Variants in NCOA6 observed in about 807,000 individuals in gnomAD.
NCOA6 encodes the protein nuclear receptor coactivator 6, also known as NRC RAP250.
In NCOA6, 49 loss-of-function variants were observed where a neutral mutation model predicts 171.4. The observed-to-expected ratio is 0.29, with a 90% confidence interval of 0.23 to 0.36. NCOA6 has a LOEUF of 0.36. Among genes scored for constraint, NCOA6 ranks in the 10% least tolerant of loss-of-function variants. NCOA6 has a pLI of 1.00. For missense variants in NCOA6, 2,248 were observed against 2,554.5 expected, an observed-to-expected ratio of 0.88 and a Z score of 2.59; for synonymous variants, 910 against 927.5, an observed-to-expected ratio of 0.98 and a Z score of 0.34.
chr20:34,784,135 T>C (rs1390750478), intron 2 of NCOA6, among the ~76,000 whole-genome samples: 1 of 152,174 alleles, frequency 6.6e-6, no homozygotes, highest in Non-Finnish European at 1.5e-5. Context: ...TTTCCAAATA[T>C]GCTGCAAATC....
chr20:34,747,178 G>T (rs554318529), intron 9 of NCOA6, among the ~76,000 whole-genome samples: 19 of 152,146 alleles, frequency 1.2e-4, no homozygotes, highest in Non-Finnish European at 2.6e-4. Flanking sequence ...CAAATTCCTG[G>T]TGCAATAATT....
chr20:34,732,369 T>G (rs1223681252), intron 13 of NCOA6, among the ~76,000 whole-genome samples, 190 bp downstream of exon 13: 1 of 152,210 alleles, frequency 6.6e-6, no homozygotes, highest in Non-Finnish European at 1.5e-5. Flanking sequence ...CTCCAGCTTT[T>G]ATTAAGAGAA....
At chr20:34,715,688 C>T (rs879103302) in intron 14 of NCOA6, among the ~76,000 whole-genome samples, 1 of 152,136 alleles carries the variant, frequency 6.6e-6, no homozygotes, top group African/African-American at 2.4e-5. Context: ...CATCATAAAA[C>T]GAAGTGTAAT....
intron 1 of NCOA6, among the ~76,000 whole-genome samples, chr20:34,823,381 A>G (rs2079062635): frequency 1.3e-5 from 2 of 149,350 alleles, no homozygotes; most frequent in Non-Finnish European, 3.0e-5. Flanking sequence ...AAAGAAAAGA[A>G]AAGAAAAACC....
chr20:34,783,744 T>A (rs893890637), intron 2 of NCOA6, among the ~76,000 whole-genome samples: 4 of 152,094 alleles, frequency 2.6e-5, no homozygotes, highest in South Asian at 2.1e-4. Context: ...TGCCTCAGCC[T>A]CCCGAGTAGC....
chr20:34,785,629 A>G (rs533187909), intron 2 of NCOA6, among the ~76,000 whole-genome samples: 98 of 152,252 alleles, frequency 6.4e-4, no homozygotes, highest in African/African-American at 2.2e-3. Context: ...TGCCTAAAAA[A>G]CTATGACTAT....
At chr20:34,744,046 G>A (rs895412443) in intron 10 of NCOA6, among the ~76,000 whole-genome samples, 1 of 152,172 alleles carries the variant, frequency 6.6e-6, no homozygotes, top group Admixed American at 6.5e-5. Context: ...AACAGTAGGA[G>A]CTAATGGAAG....
At chr20:34,723,117 G>A (rs767894452) in intron 14 of NCOA6, among the ~76,000 whole-genome samples, 14 of 152,206 alleles carry the variant, frequency 9.2e-5, no homozygotes, top group South Asian at 2.1e-4. Flanking sequence ...ACCTGGTTAC[G>A]AGGGGTTCAT....
intron 1 of NCOA6, among the ~76,000 whole-genome samples, chr20:34,822,826 A>G (rs1340750360): frequency 7.9e-5 from 12 of 152,164 alleles, no homozygotes; most frequent in Admixed American, 7.9e-4. Flanking sequence ...GGACAGGGAG[A>G]AAAAAATCTC....
intron 5 of NCOA6, among the ~76,000 whole-genome samples, chr20:34,764,698 A>G (rs949127655): frequency 2.0e-5 from 3 of 151,892 alleles, no homozygotes; most frequent in Non-Finnish European, 4.4e-5. Flanking sequence ...AAAAAAAAAA[A>G]GTTATATTTT....
intron 13 of NCOA6, among the ~76,000 whole-genome samples, chr20:34,731,837 G>A (rs1426100268): frequency 6.6e-6 from 1 of 152,116 alleles, no homozygotes; most frequent in Non-Finnish European, 1.5e-5. Flanking sequence ...CCTGGCCAAT[G>A]TGGTGAAACC....
chr20:34,784,710 G>A (rs193058020), intron 2 of NCOA6, among the ~76,000 whole-genome samples: 413 of 152,244 alleles, frequency 2.7e-3, no homozygotes, highest in Non-Finnish European at 4.8e-3. Flanking sequence ...AAACCCAGGA[G>A]TTCGAGGCAG....
At chr20:34,816,655 C>A (rs571056209) in intron 1 of NCOA6, among the ~76,000 whole-genome samples, 1 of 152,086 alleles carries the variant, frequency 6.6e-6, no homozygotes, top group South Asian at 2.1e-4. Flanking sequence ...CCACCTTGGC[C>A]TCCTAAAGTG....
rs150860059 is a variant in NCOA6 at position 34,789,722 on chromosome 20, G to A, written c.-50+2728C>T. On this transcript the variant is annotated intron_variant, in intron 2 of 14. Transcript: ENST00000359003. ...TGAGGGGAGTGAGGGGAAGGGTGGA[G>A]GTTGTGGTGAGCTGAAATTGTGCTA... Among the ~76,000 whole-genome samples, 93 of 152,258 alleles carry A rather than the reference G, an allele frequency of 6.1e-4. No homozygotes were observed. In the East Asian group the frequency reaches 0.017, roughly 28 times the overall value.
intron 9 of NCOA6, 127 bp from the exon 10 acceptor site, chr20:34,747,055 C>A: frequency 1.1e-6 from 1 of 921,086 alleles, no homozygotes; most frequent in East Asian, 2.9e-5. Context: ...TTATTCATCT[C>A]TCTCTAGTCT....
In NCOA6 at chr20:34,741,112, G is replaced by A; in HGVS notation, c.5144C>T (p.Pro1715Leu). ...NIKFSSAPVP[P>L]NALSSSPAPN... The stretch of plus-strand genomic sequence containing the variant: ...AGCAGGACTACTGGAGAGGGCATTA[G>A]GCGGTACAGGAGCAGAAGAAAATTT... The change falls in exon 11 of 15, where the codon CCT (proline) becomes CTT (leucine). Residue 1715 changes from proline (P) to leucine (L), a missense_variant. Physicochemically the swap from Pro to Leu is moderately conservative, Grantham distance 98. Transcript: ENST00000359003. 1 of 1,614,248 alleles carries A rather than the reference G, an allele frequency of 6.2e-7. No individual in the cohort carries two copies. The highest frequency in any genetic ancestry group is 8.5e-7 in the Non-Finnish European group (1 of 1,180,040).
intron 14 of NCOA6, among the ~76,000 whole-genome samples, chr20:34,723,756 T>C (rs138006199): frequency 1.1e-4 from 17 of 152,322 alleles, no homozygotes; most frequent in African/African-American, 2.6e-4. Context: ...GGCTGGTAGT[T>C]CTCTACAGAG....
rs1242837221 is a variant in NCOA6, at chr20:34,800,373, T to G, written c.-163-7810A>C. Among the ~76,000 whole-genome samples, 3 of 152,084 alleles carry G rather than the reference T, an allele frequency of 2.0e-5. No homozygotes were observed. The East Asian group carries it at 5.8e-4, about 29-fold the overall frequency. ...AACGGCAGGAATAAGTCCTTACTTA[T>G]TAATACTAACATTGAATGTTAATGG... On this transcript the variant is annotated intron_variant, in intron 1 of 14. Coordinates refer to ENST00000359003, the MANE Select transcript of NCOA6 (RefSeq NM_014071.5).
intron 4 of NCOA6, 109 bp from the exon 5 acceptor site, chr20:34,768,695 G>A (rs2077052355): frequency 7.7e-7 from 1 of 1,307,042 alleles, no homozygotes; most frequent in African/African-American, 1.5e-5. Flanking sequence ...AAGAATTATG[G>A]TTAGTTTACC....
Sources: gnomAD v4.1 joint callset for allele counts (sites outside exome capture counted in the v4.1 genomes callset) on GRCh38, gnomAD v4.1.1 for gene constraint, MANE v1.5 for transcripts, NCBI Gene and HGNC (gene_info 2026-07-23, HGNC 2026-07-21) for gene names.